FHOD3: variants seen among roughly 807,000 people sequenced by gnomAD.
FHOD3 encodes FH1/FH2 domain-containing protein 3.
In FHOD3, 90 loss-of-function variants were observed where a neutral mutation model predicts 173.0. The observed-to-expected ratio is 0.52, with a 90% CI of 0.44 to 0.62. FHOD3 has a LOEUF of 0.62. Ranked by LOEUF, FHOD3 falls within the 20% of genes least tolerant of loss-of-function variation. The probability of loss-of-function intolerance (pLI) is 0.00; values close to 1 mark genes in which losing one functional copy is unlikely to be tolerated. For missense variants in FHOD3, 1,945 were observed against 2,034.7 expected (o/e 0.96, Z 0.85); for synonymous variants, 828 against 823.0 (o/e 1.01, Z -0.10).
intron 3 of FHOD3, among the ~76,000 whole-genome samples, chr18:36,386,701 G>A (rs1261254896): frequency 6.6e-6 from 1 of 152,214 alleles, no homozygotes; most frequent in Non-Finnish European, 1.5e-5. Flanking sequence ...TACTCAGAGG[G>A]CAGCTGGGCT....
intron 5 of FHOD3, among the ~76,000 whole-genome samples, chr18:36,539,365 C>T (rs148684414): frequency 6.4e-4 from 97 of 152,268 alleles, no homozygotes; most frequent in Non-Finnish European, 1.1e-3. Context: ...GAATAATTCA[C>T]GTGTATAGAA....
chr18:36,498,057 A>G (rs2054837609), intron 3 of FHOD3, among the ~76,000 whole-genome samples: 1 of 152,212 alleles, frequency 6.6e-6, no homozygotes, highest in Admixed American at 6.5e-5. Context: ...GAAAATCTCT[A>G]AATATTTGGA....
chr18:36,463,703 C>T (rs142735127), intron 3 of FHOD3, among the ~76,000 whole-genome samples: 4 of 151,974 alleles, frequency 2.6e-5, no homozygotes, highest in Admixed American at 1.3e-4. Flanking sequence ...ACCATGTTGC[C>T]CAGGCTGTTC....
chr18:36,312,307 G>C (rs1446559158), intron 1 of FHOD3, among the ~76,000 whole-genome samples: 1 of 152,036 alleles, frequency 6.6e-6, no homozygotes, highest in African/African-American at 2.4e-5. Flanking sequence ...TCAGGTTTCT[G>C]TCCAAAGACC....
intron 2 of FHOD3, among the ~76,000 whole-genome samples, chr18:36,361,063 G>A (rs946546567): frequency 3.3e-5 from 5 of 152,104 alleles, no homozygotes; most frequent in African/African-American, 1.2e-4. Context: ...GACGTTCCCT[G>A]ATTTTTTTTT....
chr18:36,385,462 T>G, intron 3 of FHOD3, among the ~76,000 whole-genome samples: 1 of 151,810 alleles, frequency 6.6e-6, no homozygotes, highest in East Asian at 1.9e-4. Flanking sequence ...GGTGGTGAGA[T>G]CTCGGTTCAC....
intron 17 of FHOD3, among the ~76,000 whole-genome samples, chr18:36,705,126 C>T (rs2039801987): frequency 1.3e-5 from 2 of 152,190 alleles, no homozygotes; most frequent in South Asian, 4.1e-4. Context: ...GGAGACAGGG[C>T]TCACCTCAGA....
At chr18:36,417,769 G>A (rs1164463255) in intron 3 of FHOD3, among the ~76,000 whole-genome samples, 1 of 152,180 alleles carries the variant, frequency 6.6e-6, no homozygotes, top group Non-Finnish European at 1.5e-5. Context: ...GAAGCCTTTA[G>A]CCAACTTCCC....
chr18:36,491,900 G>C (rs2054493951), intron 3 of FHOD3, among the ~76,000 whole-genome samples: 1 of 152,122 alleles, frequency 6.6e-6, no homozygotes, highest in Non-Finnish European at 1.5e-5. Flanking sequence ...GGACATCTTG[G>C]ATGCTTTGAA....
At chr18:36,355,114 G>A (rs930083303) in intron 1 of FHOD3, among the ~76,000 whole-genome samples, 2 of 152,168 alleles carry the variant, frequency 1.3e-5, no homozygotes, top group African/African-American at 4.8e-5. Flanking sequence ...GAATCAGTAG[G>A]CTCCTCACTG....
intron 4 of FHOD3, among the ~76,000 whole-genome samples, chr18:36,504,475 A>G (rs1171480262): frequency 6.6e-6 from 1 of 152,166 alleles, no homozygotes; most frequent in East Asian, 1.9e-4. Context: ...CATCATTCTC[A>G]GTAAACTATC....
intron 5 of FHOD3, among the ~76,000 whole-genome samples, chr18:36,519,018 T>C (rs142918600): frequency 5.9e-5 from 9 of 152,258 alleles, no homozygotes; most frequent in Admixed American, 5.9e-4. Context: ...AATCACCCTG[T>C]TGCTGTTGAT....
chr18:36,391,454 G>T (rs773064670), intron 3 of FHOD3, among the ~76,000 whole-genome samples: 1 of 152,272 alleles, frequency 6.6e-6, no homozygotes, highest in South Asian at 2.1e-4. Context: ...TCGATGATAG[G>T]AGGGTCCTAC....
chr18:36,672,088 CTTAGGGGACATT>C (rs1438107649), intron 14 of FHOD3, among the ~76,000 whole-genome samples: 14 of 152,138 alleles, frequency 9.2e-5, no homozygotes, highest in Non-Finnish European at 1.6e-4. Context: ...TGGAGGCCAT[CTTAGGGGACATT>C]TTAGGGGACA....
Position 36,512,491 on chromosome 18 carries a change from G to C in FHOD3, c.459G>C (p.Leu153Phe). 1.2e-6 allele frequency: 2 copies of C among 1,614,114 alleles called. No individual in the cohort carries two copies. Among genetic ancestry groups the C allele is most frequent in the Admixed American group, 1.7e-5 (1 of 60,034 alleles). ...EFVVAEGLTC[L>F]IKVGAEADQN... The stretch of plus-strand genomic sequence containing the variant: ...TAGTGGCTGAAGGTCTGACATGTTT[G>C]ATCAAGGTGGGAGCTGAGGCTGATC... The change falls in exon 5 of 29, where the codon TTG becomes TTC. Residue 153 changes from leucine (L) to phenylalanine (F), a missense_variant. Leu to Phe is a conservative substitution (Grantham distance 22). Coordinates refer to ENST00000590592, the MANE Select transcript of FHOD3 (RefSeq NM_001281740.3).
intron 10 of FHOD3, among the ~76,000 whole-genome samples, chr18:36,639,164 C>T (rs72895581): frequency 3.3e-5 from 5 of 152,316 alleles, no homozygotes; most frequent in Non-Finnish European, 5.9e-5. Flanking sequence ...CCTGCTGTTT[C>T]CACAGTTCTT....
chr18:36,502,748 T>C (rs528038837), intron 4 of FHOD3, among the ~76,000 whole-genome samples: 2 of 152,268 alleles, frequency 1.3e-5, no homozygotes, highest in Admixed American at 1.3e-4. Context: ...AGACCTGTGT[T>C]ATGCTCCCCC....
intron 5 of FHOD3, among the ~76,000 whole-genome samples, chr18:36,550,488 C>CT (rs2147323424): frequency 6.6e-6 from 1 of 151,742 alleles, no homozygotes; most frequent in Admixed American, 6.6e-5. Flanking sequence ...GGAAAAAAAG[C>CT]TTGCTTAGAC....
chr18:36,316,194 A>G (rs75344826), intron 1 of FHOD3, among the ~76,000 whole-genome samples: 2,023 of 152,030 alleles, frequency 0.013, 20 homozygotes, highest in Non-Finnish European at 0.019. Flanking sequence ...TTAAATTAAC[A>G]TATGTAGTTC....
Sources: gnomAD v4.1 joint callset for allele counts (sites outside exome capture counted in the v4.1 genomes callset) on GRCh38, gnomAD v4.1.1 for gene constraint, MANE v1.5 for transcripts, NCBI Gene and HGNC (gene_info 2026-07-23, HGNC 2026-07-21) for gene names.